Variants in CAMK2D observed in about 807,000 individuals in gnomAD.
The protein encoded by CAMK2D is calcium/calmodulin-dependent protein kinase type II subunit delta.
Under a neutral mutation model 84.0 loss-of-function variants are expected in CAMK2D, and 37 were observed. The observed-to-expected ratio is 0.44, with a 90% CI of 0.34 to 0.58. CAMK2D has a LOEUF of 0.58. Ranked by LOEUF, CAMK2D falls within the 20% of genes least tolerant of loss-of-function variation. CAMK2D has a pLI of 0.02. For synonymous variants in CAMK2D, 202 were observed against 212.5 expected, an observed-to-expected ratio of 0.95 and a Z score of 0.43; for missense variants, 448 against 652.5, an observed-to-expected ratio of 0.69 and a Z score of 3.41.
chr4:113,601,990 C>A (rs1457702878), intron 4 of CAMK2D, among the ~76,000 whole-genome samples: 1 of 151,988 alleles, frequency 6.6e-6, no homozygotes, highest in Non-Finnish European at 1.5e-5. Context: ...GACCACTGTG[C>A]CCAGCCTCCT....
At chr4:113,516,372 C>G (rs553258119) in intron 9 of CAMK2D, among the ~76,000 whole-genome samples, 1 of 152,256 alleles carries the variant, frequency 6.6e-6, no homozygotes, top group South Asian at 2.1e-4. Flanking sequence ...GTAGGTTCAG[C>G]ATGAAGAAAG....
intron 2 of CAMK2D, among the ~76,000 whole-genome samples, chr4:113,744,333 A>G (rs11098202): frequency 0.015 from 2,225 of 152,270 alleles, 44 homozygotes; most frequent in African/African-American, 0.051. Flanking sequence ...CCTAAACACT[A>G]TTGAAATTCT....
chr4:113,761,018 G>A lies in CAMK2D; in HGVS notation c.51C>T (p.Phe17=), dbSNP rs778763738. ...AAGGTGCTTACTTTCCAAGCTCCTC[G>A]AAAAGCTGATACTCGTCCGTGAACC... ...CTRFTDEYQL[F]EELGKGAFSV... Residue 17 remains phenylalanine, a synonymous_variant, in exon 1 of 21, where the codon TTC becomes TTT. Coordinates refer to ENST00000511664, the MANE Select transcript of CAMK2D (RefSeq NM_001321571.2). 3 of 1,614,198 alleles carry A rather than the reference G, an allele frequency of 1.9e-6. No homozygotes were observed. Among genetic ancestry groups the A allele is most frequent in the African/African-American group, 1.3e-5 (1 of 75,050 alleles).
At chr4:113,672,330 C>T (rs1427253077) in intron 2 of CAMK2D, among the ~76,000 whole-genome samples, 1 of 152,094 alleles carries the variant, frequency 6.6e-6, no homozygotes, top group Non-Finnish European at 1.5e-5. Flanking sequence ...AAATCTTATA[C>T]ATGTGTAAAG....
At chr4:113,526,371 A>G (rs181944582) in intron 8 of CAMK2D, among the ~76,000 whole-genome samples, 1 of 151,432 alleles carries the variant, frequency 6.6e-6, no homozygotes, top group Non-Finnish European at 1.5e-5. Context: ...TTAAAAATCT[A>G]TGAGATGCCC....
chr4:113,576,469 C>T (rs571206460), intron 4 of CAMK2D, among the ~76,000 whole-genome samples: 36 of 151,838 alleles, frequency 2.4e-4, no homozygotes, highest in African/African-American at 8.2e-4. Context: ...AAATAATCAT[C>T]AATATTAGAA....
intron 6 of CAMK2D, among the ~76,000 whole-genome samples, chr4:113,546,683 T>C (rs1285390055): frequency 6.6e-6 from 1 of 152,210 alleles, no homozygotes; most frequent in Non-Finnish European, 1.5e-5. Flanking sequence ...TTTGTCACCT[T>C]TGTCCTAATG....
chr4:113,650,146 T>C (rs1341179349), intron 3 of CAMK2D, among the ~76,000 whole-genome samples: 2 of 152,114 alleles, frequency 1.3e-5, no homozygotes, highest in African/African-American at 4.8e-5. Context: ...TTATCTTTCA[T>C]TTTACCTTTC....
At chr4:113,689,849 C>T (rs909823188) in intron 2 of CAMK2D, among the ~76,000 whole-genome samples, 13 of 152,166 alleles carry the variant, frequency 8.5e-5, no homozygotes, top group African/African-American at 3.1e-4. Flanking sequence ...ACCAGTTTTC[C>T]ATTCCCACTA....
At chr4:113,697,467 A>G (rs1277400458) in intron 2 of CAMK2D, among the ~76,000 whole-genome samples, 2 of 152,152 alleles carry the variant, frequency 1.3e-5, no homozygotes, top group African/African-American at 2.4e-5. Context: ...TATATTAATT[A>G]TAACTTTCTG....
intron 2 of CAMK2D, among the ~76,000 whole-genome samples, chr4:113,721,526 A>G (rs1328805669): frequency 6.6e-6 from 1 of 152,198 alleles, no homozygotes; most frequent in Non-Finnish European, 1.5e-5. Context: ...CTCGTTTCCT[A>G]AGCTGGAAAA....
Position 113,702,329 on chromosome 4 carries a change from T to C in CAMK2D, c.161-40557A>G, listed in dbSNP as rs72895971. Among the ~76,000 whole-genome samples the C allele has an allele frequency of 9.3e-3, 1,414 of 152,316 alleles. 26 individuals are homozygous for C. Among genetic ancestry groups the C allele is most frequent in the African/African-American group, 0.032 (1,335 of 41,566 alleles). The stretch of plus-strand genomic sequence containing the variant: ...TAGGCTTCGCATGTCACATACGGTC[T>C]CTGGTGCACATGCATTTTTTATTTA... On this transcript the variant is annotated intron_variant, in intron 2 of 20. Coordinates refer to ENST00000511664, the MANE Select transcript of CAMK2D (RefSeq NM_001321571.2).
At chr4:113,760,677 A>G (rs1168175327) in intron 1 of CAMK2D, among the ~76,000 whole-genome samples, 3 of 152,092 alleles carry the variant, frequency 2.0e-5, no homozygotes, top group Non-Finnish European at 4.4e-5. Flanking sequence ...CATTACACAC[A>G]GGCGCGCGCG....
At chr4:113,455,620 A>T in intron 20 of CAMK2D, 106 bp downstream of exon 20, 4 of 606,456 alleles carry the variant, frequency 6.6e-6, no homozygotes, top group Admixed American at 2.8e-5. Flanking sequence ...TGCGTTTTTC[A>T]TTGAATATTA....
At chr4:113,629,437 T>C (rs1237561709) in intron 3 of CAMK2D, among the ~76,000 whole-genome samples, 1 of 152,032 alleles carries the variant, frequency 6.6e-6, no homozygotes, top group Non-Finnish European at 1.5e-5. Flanking sequence ...GAAATAACTT[T>C]CAGTAAATAT....
intron 16 of CAMK2D, among the ~76,000 whole-genome samples, chr4:113,483,360 A>G (rs2097724623): frequency 6.6e-6 from 1 of 151,638 alleles, no homozygotes; most frequent in African/African-American, 2.4e-5. Flanking sequence ...CATTCATCTG[A>G]AGCATTCTGT....
At position 113,550,924 on chromosome 4, in the gene CAMK2D, GA is replaced by G. The variant is rs1322097054; in HGVS notation, c.341+1106del. On this transcript the variant is annotated intron_variant, in intron 5 of 20. Transcript: ENST00000511664. ...TGCCATAAACAGTGCATTAAACCAA[GA>G]AGAAAAATTAGAAACTTAGAAGTGT... is the stretch of plus-strand genomic sequence containing the variant. Among the ~76,000 whole-genome samples, 3 of 152,304 alleles carry G rather than the reference GA, an allele frequency of 2.0e-5. No individual in the cohort carries two copies. The East Asian group carries it at 5.8e-4, about 29-fold the overall frequency.
intron 2 of CAMK2D, among the ~76,000 whole-genome samples, chr4:113,733,777 T>A (rs1034234191): frequency 6.6e-6 from 1 of 152,212 alleles, no homozygotes; most frequent in African/African-American, 2.4e-5. Context: ...ATTACATAAA[T>A]GGCAGTTTCT....
chr4:113,530,055 C>A (rs916730718), intron 8 of CAMK2D, among the ~76,000 whole-genome samples: 2 of 152,218 alleles, frequency 1.3e-5, no homozygotes, highest in African/African-American at 4.8e-5. Context: ...TTGCTGTAGA[C>A]TGAGGTTTGA....
Sources: gnomAD v4.1 joint callset for allele counts (sites outside exome capture counted in the v4.1 genomes callset) on GRCh38, gnomAD v4.1.1 for gene constraint, MANE v1.5 for transcripts, NCBI Gene and HGNC (gene_info 2026-07-23, HGNC 2026-07-21) for gene names.